The following TMEM132D variants were observed in gnomAD, a reference collection of about 807,000 sequenced individuals.
TMEM132D encodes the protein transmembrane protein 132D, also known as mature OL transmembrane protein.
In TMEM132D, 21 loss-of-function variants were observed where a neutral mutation model predicts 62.3. The observed-to-expected ratio is 0.34, with a 90% CI of 0.24 to 0.49. The LOEUF (loss-of-function observed/expected upper bound fraction) is 0.49, where lower values mean the gene tolerates loss of function less well. Among genes scored for constraint, TMEM132D ranks in the 20% least tolerant of loss-of-function variants. The pLI is 0.99. For synonymous variants in TMEM132D, 621 were observed against 575.6 expected (o/e 1.08, Z -1.13); for missense variants, 1,346 against 1,402.8 (o/e 0.96, Z 0.65).
At chr12:129,470,658 G>A (rs901032467) in intron 3 of TMEM132D, among the ~76,000 whole-genome samples, 4 of 152,060 alleles carry the variant, frequency 2.6e-5, no homozygotes, top group Non-Finnish European at 4.4e-5. Context: ...AAAGAGTTTC[G>A]GCATCATGTC....
intron 4 of TMEM132D, among the ~76,000 whole-genome samples, chr12:129,274,189 CT>C (rs1415822665): frequency 6.6e-6 from 1 of 151,868 alleles, no homozygotes; most frequent in African/African-American, 2.4e-5. Flanking sequence ...TCTGTTCCCC[CT>C]GTGTCTCCAT....
At chr12:129,513,937 G>C (rs755624409) in intron 3 of TMEM132D, among the ~76,000 whole-genome samples, 1 of 149,654 alleles carries the variant, frequency 6.7e-6, no homozygotes, top group Non-Finnish European at 1.5e-5. Context: ...TCCCGGGTTT[G>C]TGCCATTCTC....
At chr12:129,585,443 C>T (rs1385953811) in intron 2 of TMEM132D, among the ~76,000 whole-genome samples, 1 of 152,156 alleles carries the variant, frequency 6.6e-6, no homozygotes, top group Admixed American at 6.5e-5. Context: ...GTGGAGCAGC[C>T]GCAGGGCTGG....
chr12:129,186,373 T>A (rs1878222556), intron 5 of TMEM132D, among the ~76,000 whole-genome samples: 1 of 152,152 alleles, frequency 6.6e-6, no homozygotes, highest in African/African-American at 2.4e-5. Context: ...CTGTCATCCC[T>A]CCCAGGCCCC....
At chr12:129,104,986 G>A (rs1469512334) in intron 5 of TMEM132D, among the ~76,000 whole-genome samples, 7 of 146,980 alleles carry the variant, frequency 4.8e-5, no homozygotes, top group African/African-American at 1.1e-4. Flanking sequence ...TCAGTGTGGC[G>A]ATTCCTCAGG....
chr12:129,312,052 G>A (rs73148885), intron 4 of TMEM132D, among the ~76,000 whole-genome samples: 15,087 of 152,280 alleles, frequency 0.099, 1,005 homozygotes, highest in Middle Eastern at 0.16. Flanking sequence ...AGCTGCTATA[G>A]AGGGAATGGA....
At chr12:129,616,219 T>C (rs879443972) in intron 2 of TMEM132D, among the ~76,000 whole-genome samples, 10 of 152,156 alleles carry the variant, frequency 6.6e-5, no homozygotes, top group Non-Finnish European at 1.0e-4. Flanking sequence ...TAAGTGAAAG[T>C]TGAAGAAGTT....
chr12:129,770,091 G>A (rs1328035690), intron 1 of TMEM132D, among the ~76,000 whole-genome samples: 1 of 151,332 alleles, frequency 6.6e-6, no homozygotes, highest in Non-Finnish European at 1.5e-5. Flanking sequence ...TAGAAATAAA[G>A]GTGTGAGCCA....
chr12:129,899,254 CGGAT>C lies in TMEM132D; in HGVS notation c.79+4003_79+4006del, dbSNP rs779555845. Among the ~76,000 whole-genome samples the C allele has an allele frequency of 2.4e-4, 32 of 131,730 alleles. 3 individuals carry two copies. The highest frequency in any genetic ancestry group is 1.2e-3 in the Admixed American group (16 of 13,740). The allele number at this position is 131,730 out of a possible 152,430, so 86.4% of individuals were successfully genotyped here. A position where few individuals can be genotyped will look rare whatever the true frequency, so the allele number is the denominator to read the frequency against. ...AAGGATGGATGGATGGATGGATGCA[CGGAT>C]GGATGGATGGATGGATGGATGCATG... On this transcript the variant is annotated intron_variant, in intron 1 of 8. Coordinates refer to ENST00000422113, the MANE Select transcript of TMEM132D (RefSeq NM_133448.3).
At chr12:129,597,456 A>G (rs990073682) in intron 2 of TMEM132D, among the ~76,000 whole-genome samples, 2 of 152,226 alleles carry the variant, frequency 1.3e-5, no homozygotes, top group African/African-American at 4.8e-5. Context: ...GCTTACCAGC[A>G]TGGTAAGTAA....
chr12:129,577,226 G>C (rs1028709781), intron 2 of TMEM132D, among the ~76,000 whole-genome samples: 1 of 151,822 alleles, frequency 6.6e-6, no homozygotes, highest in Non-Finnish European at 1.5e-5. Context: ...GCAGCACACA[G>C]GGATTTAAGC....
chr12:129,118,047 A>T (rs754055292), intron 5 of TMEM132D, among the ~76,000 whole-genome samples: 1 of 152,140 alleles, frequency 6.6e-6, no homozygotes, highest in Non-Finnish European at 1.5e-5. Context: ...GCCCAGAGAG[A>T]GTCTATGCAT....
intron 5 of TMEM132D, among the ~76,000 whole-genome samples, chr12:129,130,015 C>CTGTGTGTGTGTCTGTGTGTGTGTG (rs376534965): frequency 2.8e-5 from 4 of 141,854 alleles, no homozygotes; most frequent in Non-Finnish European, 6.1e-5. Context: ...AAGCTCTGCT[C>CTGTGTGTGTGTCTGTGTGTGTGTG]TGTGTGTGTG....
At chr12:129,427,152 G>A (rs1041149846) in intron 3 of TMEM132D, among the ~76,000 whole-genome samples, 4 of 152,184 alleles carry the variant, frequency 2.6e-5, no homozygotes, top group Admixed American at 6.5e-5. Context: ...CCATCTATAT[G>A]TATGGATTTG....
At chr12:129,077,921 A>T (rs1260079056) in intron 8 of TMEM132D, among the ~76,000 whole-genome samples, 1 of 152,166 alleles carries the variant, frequency 6.6e-6, no homozygotes, top group African/African-American at 2.4e-5. Context: ...ACATAGACAC[A>T]CAACACACAT....
chr12:129,341,156 G>A (rs1307575971), intron 3 of TMEM132D, among the ~76,000 whole-genome samples: 6 of 152,168 alleles, frequency 3.9e-5, no homozygotes, highest in Non-Finnish European at 8.8e-5. Flanking sequence ...ACTTCTCCAT[G>A]TTTCACTCTA....
At chr12:129,225,743 A>G (rs1258457967) in intron 4 of TMEM132D, among the ~76,000 whole-genome samples, 1 of 152,166 alleles carries the variant, frequency 6.6e-6, no homozygotes, top group African/African-American at 2.4e-5. Context: ...GTTCCTGGCA[A>G]AAGGAAAAAG....
At chr12:129,394,914 A>G (rs4759527) in intron 3 of TMEM132D, among the ~76,000 whole-genome samples, 111,417 of 152,040 alleles carry the variant, frequency 0.73, 42,402 homozygotes, top group Non-Finnish European at 0.85. Flanking sequence ...CAATAGGTAC[A>G]CTCCTCTGTA....
intron 4 of TMEM132D, among the ~76,000 whole-genome samples, chr12:129,265,134 C>T (rs1880651844): frequency 6.6e-6 from 1 of 152,156 alleles, no homozygotes; most frequent in South Asian, 2.1e-4. Flanking sequence ...GACCTCTGAG[C>T]TGCCAGGTGG....
Sources: gnomAD v4.1 joint callset for allele counts (sites outside exome capture counted in the v4.1 genomes callset) on GRCh38, gnomAD v4.1.1 for gene constraint, MANE v1.5 for transcripts, NCBI Gene and HGNC (gene_info 2026-07-23, HGNC 2026-07-21) for gene names.